The following FAM228B variants were observed in gnomAD, a reference collection of about 807,000 sequenced individuals.
FAM228B encodes protein FAM228B.
FAM228B carries 38 observed loss-of-function variants against 42.6 expected under a neutral mutation model. That is an observed-to-expected ratio of 0.89 (90% CI 0.69 to 1.17). The LOEUF is 1.17. Ranked by LOEUF, FAM228B falls within the 50% of genes most tolerant of loss-of-function variation. FAM228B has a pLI of 0.00. For synonymous variants in FAM228B, 109 were observed against 122.3 expected (o/e 0.89, Z 0.72); for missense variants, 344 against 367.3 (o/e 0.94, Z 0.52).
rs71395186 is a variant in FAM228B, at chr2:24,080,354, C to CA, written c.-289-510dup. ...TCAGTGACAGAGTGAGACTCCATCTCAAAAAAAAAAAAGAAAGAGAAACGG... is the reference window on the plus strand; with the variant it reads ...TCAGTGACAGAGTGAGACTCCATCTCAAAAAAAAAAAAAGAAAGAGAAACGG... On this transcript the variant is annotated intron_variant, in intron 1 of 10. Coordinates refer to the FAM228B transcript ENST00000613899. The surrounding 1 kb of genome is among the most constrained non-coding windows in gnomAD (Gnocchi z 4.7). 0.13 allele frequency among the ~76,000 whole-genome samples: 17,442 copies of CA among 134,858 alleles called. 1,169 individuals are homozygous for CA. Among genetic ancestry groups the CA allele is most frequent in the South Asian group, 0.2 (819 of 4,196 alleles). The allele number at this position is 134,858 out of a possible 152,430, so 88.5% of individuals were successfully genotyped here.
intron 2 of FAM228B, among the ~76,000 whole-genome samples, chr2:24,130,280 G>T (rs1666425169): frequency 6.6e-6 from 1 of 152,128 alleles, no homozygotes; most frequent in Non-Finnish European, 1.5e-5. Context: ...TACATGTGCA[G>T]ATGTCTTTAT....
At chr2:24,165,866 AC>A (rs1265947234) in intron 9 of FAM228B, 1 of 167,160 alleles carries the variant, frequency 6.0e-6, no homozygotes, top group African/African-American at 2.4e-5. Flanking sequence ...ACATGGAGAA[AC>A]CCCGTCTCTA....
At chr2:24,151,036 TC>T (rs1251192278) in intron 7 of FAM228B, among the ~76,000 whole-genome samples, 1 of 152,190 alleles carries the variant, frequency 6.6e-6, no homozygotes, top group East Asian at 1.9e-4. Flanking sequence ...TATATCTATC[TC>T]CCCTGTAAGG....
At chr2:24,088,821 G>A (rs1372264360) in intron 2 of FAM228B, among the ~76,000 whole-genome samples, 1 of 152,206 alleles carries the variant, frequency 6.6e-6, no homozygotes, top group Non-Finnish European at 1.5e-5. Context: ...TTTAATGGGG[G>A]CAACCTTGCG....
chr2:24,102,430 T>C (rs1665625353), intron 3 of FAM228B, among the ~76,000 whole-genome samples: 1 of 152,240 alleles, frequency 6.6e-6, no homozygotes, highest in Non-Finnish European at 1.5e-5. Context: ...CCTTTTACCC[T>C]ATCTCATGTT....
intron 7 of FAM228B, among the ~76,000 whole-genome samples, chr2:24,147,302 T>A (rs1666919364): frequency 1.3e-5 from 2 of 152,130 alleles, no homozygotes; most frequent in South Asian, 4.1e-4. Flanking sequence ...TTGGGTACTT[T>A]CAAGATTTTC....
At chr2:24,083,518 C>T (rs1274867807) in intron 2 of FAM228B, among the ~76,000 whole-genome samples, 1 of 152,190 alleles carries the variant, frequency 6.6e-6, no homozygotes, top group Non-Finnish European at 1.5e-5. Context: ...CCCCAGTCCT[C>T]AGAAGCTGTA....
chr2:24,141,224 G>A (rs150235343), intron 5 of FAM228B, among the ~76,000 whole-genome samples: 5,750 of 151,760 alleles, frequency 0.038, 172 homozygotes, highest in Non-Finnish European at 0.061. Flanking sequence ...ACAGGCACAC[G>A]CCACCAGGCC....
upstream of FAM228B, chr2:24,122,669 A>G: frequency 1.5e-6 from 1 of 646,130 alleles, no homozygotes; most frequent in Admixed American, 2.7e-5. Flanking sequence ...TTGAAAAGGT[A>G]CAGGGTGAAA....
chr2:24,167,382 G>A lies in FAM228B; in HGVS notation c.933-245G>A, dbSNP rs561378021. Among the ~76,000 whole-genome samples, 14 of 152,208 alleles carry A rather than the reference G, an allele frequency of 9.2e-5. No individual in the cohort carries two copies. The East Asian group carries it at 2.1e-3, about 23-fold the overall frequency. On this transcript the variant is annotated intron_variant, in intron 9 of 10. Transcript: ENST00000615575. ...AGAAGTGCAGAAGTGAGGAATAACC[G>A]TGTTTGGGGCTGATTCCATTGCAAT...
intron 7 of FAM228B, among the ~76,000 whole-genome samples, chr2:24,151,929 C>T (rs1013582343): frequency 6.6e-5 from 10 of 152,038 alleles, no homozygotes; most frequent in Non-Finnish European, 1.2e-4. Flanking sequence ...AGTGCAGTGG[C>T]ATGATCTCAG....
At position 24,095,671 on chromosome 2, in the gene FAM228B, G is replaced by A. The variant is rs1665481620; in HGVS notation, c.-121+442G>A. 6.6e-6 allele frequency: 1 copy of A among 152,426 alleles called. No homozygotes were observed. The highest frequency in any genetic ancestry group is 2.4e-5 in the African/African-American group (1 of 41,474). The allele number at this position is 152,426 out of a possible 1,614,324, so 9.4% of individuals were successfully genotyped here. A position where few individuals can be genotyped will look rare whatever the true frequency, so the allele number is the denominator to read the frequency against. On this transcript the variant is annotated intron_variant, in intron 3 of 10. Transcript: ENST00000613899. This position sits in a 1 kb window ranked among gnomAD's most constrained non-coding sequence, Gnocchi z 4.8. The stretch of plus-strand genomic sequence containing the variant: ...TACTGCCTCTAGACTCCATCTCTGT[G>A]GCCAGGGCATAGCTGAACAAAAGGC...
intron 3 of FAM228B, among the ~76,000 whole-genome samples, chr2:24,112,505 T>C (rs941115042): frequency 6.6e-6 from 1 of 152,132 alleles, no homozygotes; most frequent in African/African-American, 2.4e-5. Context: ...TTTTGCCATG[T>C]TGGCCAGTCT....
chr2:24,091,502 A>T (rs377101890), intron 2 of FAM228B, among the ~76,000 whole-genome samples: 9 of 152,240 alleles, frequency 5.9e-5, no homozygotes, highest in African/African-American at 1.9e-4. Context: ...AAAATGAAGC[A>T]AACATTTTTG....
upstream of FAM228B, among the ~76,000 whole-genome samples, chr2:24,118,615 G>A (rs988719337): frequency 1.3e-5 from 2 of 152,172 alleles, no homozygotes; most frequent in African/African-American, 2.4e-5. Context: ...ATACCACAAT[G>A]GATAGAAGCC....
chr2:24,117,177 G>A (rs531715853), intron 3 of FAM228B, among the ~76,000 whole-genome samples: 10 of 151,948 alleles, frequency 6.6e-5, no homozygotes, highest in Non-Finnish European at 1.2e-4. Flanking sequence ...ACCACACCTG[G>A]TCTAATTTAT....
intron 7 of FAM228B, among the ~76,000 whole-genome samples, chr2:24,156,070 G>A (rs1667135025): frequency 6.6e-6 from 1 of 152,170 alleles, no homozygotes. Flanking sequence ...AGACAGTTCT[G>A]GAATGCTGGA....
chr2:24,140,058 T>C (rs1379989168), intron 5 of FAM228B, among the ~76,000 whole-genome samples: 1 of 152,224 alleles, frequency 6.6e-6, no homozygotes, highest in Non-Finnish European at 1.5e-5. Flanking sequence ...AGGGTTTTTT[T>C]CACATTTATT....
At chr2:24,108,900 CAAAAAAA>C (rs138273554) in intron 3 of FAM228B, among the ~76,000 whole-genome samples, 1 of 79,894 alleles carries the variant, frequency 1.3e-5, no homozygotes, top group Non-Finnish European at 2.5e-5. Context: ...GAGTCCGTCT[CAAAAAAA>C]AAAAAAAAAG....
Sources: allele counts gnomAD v4.1 joint callset (sites outside exome capture counted in the v4.1 genomes callset), GRCh38; gene constraint gnomAD v4.1.1; non-coding constraint Gnocchi (gnomAD v3.1); transcripts MANE v1.5; gene names NCBI Gene and HGNC (gene_info 2026-07-23, HGNC 2026-07-21).